Variants in VPS37A observed in about 807,000 individuals in gnomAD.
The protein encoded by VPS37A is vacuolar protein sorting-associated protein 37A.
VPS37A carries 30 observed loss-of-function variants against 49.8 expected under a neutral mutation model. The observed-to-expected ratio is 0.60, with a 90% CI of 0.45 to 0.82. VPS37A has a LOEUF of 0.82. Ranked by LOEUF, VPS37A falls within the 40% of genes least tolerant of loss-of-function variation. VPS37A has a pLI of 0.00. For synonymous variants in VPS37A, 195 were observed against 160.6 expected, an observed-to-expected ratio of 1.21 and a Z score of -1.62; for missense variants, 593 against 464.4, an observed-to-expected ratio of 1.28 and a Z score of -2.55.
intron 5 of VPS37A, 70 bp downstream of exon 5, chr8:17,275,028 T>C (rs1403738470): frequency 3.7e-6 from 5 of 1,345,810 alleles, no homozygotes; most frequent in Admixed American, 3.9e-5. Context: ...CTTTATTACA[T>C]GCCTCTGTGT....
chr8:17,270,462 C>T (rs1256642026), intron 4 of VPS37A, among the ~76,000 whole-genome samples: 2 of 152,148 alleles, frequency 1.3e-5, no homozygotes, highest in East Asian at 1.9e-4. Context: ...TGCGCTTCCT[C>T]ACTGCGTGGC....
chr8:17,304,045 C>A (rs188651524), downstream of VPS37A, among the ~76,000 whole-genome samples: 430 of 152,314 alleles, frequency 2.8e-3, no homozygotes, highest in African/African-American at 1.0e-2. Flanking sequence ...GTCATGATCA[C>A]TGTTGAAACT....
intron 1 of VPS37A, among the ~76,000 whole-genome samples, chr8:17,248,616 A>G (rs575063058): frequency 2.5e-4 from 38 of 152,340 alleles, no homozygotes; most frequent in South Asian, 2.1e-3. Flanking sequence ...CAGTTAAAAA[A>G]TATGTATCCT....
chr8:17,292,715 A>G (rs1253488722), intron 11 of VPS37A, among the ~76,000 whole-genome samples: 2 of 152,114 alleles, frequency 1.3e-5, no homozygotes, highest in Non-Finnish European at 2.9e-5. Flanking sequence ...TCCTCCACTT[A>G]TGAAGCTTAG....
At chr8:17,259,833 A>G (rs1042445324) in intron 1 of VPS37A, among the ~76,000 whole-genome samples, 9 of 151,884 alleles carry the variant, frequency 5.9e-5, no homozygotes, top group African/African-American at 1.9e-4. Context: ...GTGACCTTTG[A>G]TTCTTTTTAT....
In VPS37A at chr8:17,294,825, C is replaced by G. The variant is rs539616520; in HGVS notation, c.*1-162C>G. Among the ~76,000 whole-genome samples, 9 of 152,308 alleles carry G rather than the reference C, an allele frequency of 5.9e-5. No homozygotes were observed. The South Asian group carries it at 1.9e-3, about 32-fold the overall frequency. On this transcript the variant is annotated intron_variant, in intron 11 of 11. Coordinates refer to ENST00000324849, the MANE Select transcript of VPS37A (RefSeq NM_152415.3). ...CAGCTGGAAATGCAGAAATCACCTG[C>G]CTTCTCTGTTGGTCTCCCTGGGAGC...
rs1320865203 is a variant in VPS37A, at chr8:17,264,928, AC to A, written c.126-978del. On this transcript the variant is annotated intron_variant, in intron 1 of 11. Transcript: ENST00000324849. ...ATATATGCCTGCAAATAACAATAAA[AC>A]AAACTTATGAATGTAGAATGTTAAA... is the stretch of plus-strand genomic sequence containing the variant. Among the ~76,000 whole-genome samples, 31 of 152,238 alleles carry A rather than the reference AC, an allele frequency of 2.0e-4. 1 individual carries two copies. Among genetic ancestry groups the A allele is most frequent in the Admixed American group, 2.0e-3 (31 of 15,284 alleles).
the VPS37A span, among the ~76,000 whole-genome samples, chr8:17,313,069 A>G: frequency 6.6e-6 from 1 of 152,238 alleles, no homozygotes; most frequent in Non-Finnish European, 1.5e-5. Flanking sequence ...TACTCTGGAA[A>G]TATTTTACCA....
At chr8:17,301,199 A>T (rs578212192), downstream of VPS37A, among the ~76,000 whole-genome samples, 25 of 152,350 alleles carry the variant, frequency 1.6e-4, no homozygotes, top group African/African-American at 5.8e-4. Context: ...ATACAGACCC[A>T]GCCTTAAGGA....
chr8:17,302,791 C>G (rs1335277101), downstream of VPS37A, among the ~76,000 whole-genome samples: 5 of 138,578 alleles, frequency 3.6e-5, no homozygotes, highest in African/African-American at 5.3e-5. Flanking sequence ...CGGCTCCTTG[C>G]AACCTCCACC....
At chr8:17,253,777 A>T (rs1386094045) in intron 1 of VPS37A, among the ~76,000 whole-genome samples, 3 of 152,218 alleles carry the variant, frequency 2.0e-5, no homozygotes, top group Non-Finnish European at 4.4e-5. Context: ...AATGTGAAAT[A>T]AGTGCTCCAT....
At chr8:17,309,829 T>C in the VPS37A span, among the ~76,000 whole-genome samples, 1 of 152,138 alleles carries the variant, frequency 6.6e-6, no homozygotes, top group Admixed American at 6.6e-5. Flanking sequence ...TGGGAAGTTT[T>C]TCAGTGATCT....
chr8:17,285,108 G>C (rs1309426282), intron 10 of VPS37A, among the ~76,000 whole-genome samples: 1 of 152,068 alleles, frequency 6.6e-6, no homozygotes, highest in African/African-American at 2.4e-5. Context: ...ACTCATGAGT[G>C]AAAAACATTA....
At chr8:17,278,898 C>T (rs1296731248) in intron 6 of VPS37A, among the ~76,000 whole-genome samples, 3 of 151,952 alleles carry the variant, frequency 2.0e-5, no homozygotes, top group Admixed American at 6.6e-5. Context: ...AATTATCCAA[C>T]GTTTTTATAT....
At chr8:17,294,462 G>T (rs910858887) in intron 11 of VPS37A, among the ~76,000 whole-genome samples, 2 of 152,214 alleles carry the variant, frequency 1.3e-5, no homozygotes, top group African/African-American at 2.4e-5. Flanking sequence ...GAGAGTGAAG[G>T]GTTCTGTCTC....
At chr8:17,314,249 C>T in the VPS37A span, among the ~76,000 whole-genome samples, 1 of 152,072 alleles carries the variant, frequency 6.6e-6, no homozygotes, top group African/African-American at 2.4e-5. Flanking sequence ...TATCAATCAA[C>T]CAATGAAATT....
intron 4 of VPS37A, among the ~76,000 whole-genome samples, chr8:17,269,355 C>A (rs1041410831): frequency 6.6e-6 from 1 of 152,166 alleles, no homozygotes; most frequent in African/African-American, 2.4e-5. Flanking sequence ...CATTGCTGAG[C>A]CAAGTATGTT....
rs1816551825 is a variant in VPS37A at position 17,295,476 on chromosome 8, A to G, written c.*490A>G. 6.6e-6 allele frequency: 1 copy of G among 152,604 alleles called. No individual in the cohort carries two copies. The highest frequency in any genetic ancestry group is 6.5e-5 in the Admixed American group (1 of 15,286). 9.5% of individuals were successfully genotyped at this position (152,604 alleles called of 1,614,324 possible). A position where few individuals can be genotyped will look rare whatever the true frequency, so the allele number is the denominator to read the frequency against. On this transcript the variant is annotated 3_prime_UTR_variant, in exon 12 of 12. Coordinates refer to ENST00000324849, the MANE Select transcript of VPS37A (RefSeq NM_152415.3). ...TTCAAAAGCAATTTAAGATATTCAT[A>G]GTGTTAGGAAACACCAAACCTGCCT...
the VPS37A span, among the ~76,000 whole-genome samples, chr8:17,318,671 T>A: frequency 6.6e-6 from 1 of 152,196 alleles, no homozygotes; most frequent in African/African-American, 2.4e-5. Flanking sequence ...GGTTCCAGGT[T>A]AGGGTCTGCT....
Sources: allele counts gnomAD v4.1 joint callset (sites outside exome capture counted in the v4.1 genomes callset), GRCh38; gene constraint gnomAD v4.1.1; transcripts MANE v1.5; gene names NCBI Gene and HGNC (gene_info 2026-07-23, HGNC 2026-07-21).